LCMT1: variants seen among roughly 807,000 people sequenced by gnomAD.
LCMT1 encodes the protein leucine carboxyl methyltransferase 1.
Under a neutral mutation model 47.7 loss-of-function variants are expected in LCMT1, and 32 were observed. That is an observed-to-expected ratio of 0.67 (90% CI 0.51 to 0.90). LCMT1 has a LOEUF of 0.90. Among genes scored for constraint, LCMT1 ranks in the 40% least tolerant of loss-of-function variants. The pLI is 0.00. For missense variants in LCMT1, 375 were observed against 415.2 expected, an observed-to-expected ratio of 0.90 and a Z score of 0.84; for synonymous variants, 152 against 149.7, an observed-to-expected ratio of 1.02 and a Z score of -0.11.
intron 1 of LCMT1, among the ~76,000 whole-genome samples, chr16:25,126,424 C>A (rs1960192697): frequency 6.6e-6 from 1 of 152,304 alleles, no homozygotes; most frequent in South Asian, 2.1e-4. Context: ...GTCTGGAATG[C>A]CTTTTGGACA....
At chr16:25,159,623 G>T (rs956257812) in intron 5 of LCMT1, among the ~76,000 whole-genome samples, 4 of 152,052 alleles carry the variant, frequency 2.6e-5, no homozygotes, top group African/African-American at 9.7e-5. Flanking sequence ...GCCAACTTTG[G>T]GTTCCCTGCT....
chr16:25,130,808 G>A (rs1055714659), intron 2 of LCMT1, among the ~76,000 whole-genome samples: 4 of 152,166 alleles, frequency 2.6e-5, no homozygotes, highest in African/African-American at 9.7e-5. Context: ...AGAAACTCCA[G>A]AGCGTAAAGA....
intron 3 of LCMT1, among the ~76,000 whole-genome samples, chr16:25,133,858 A>T (rs1960425114): frequency 6.7e-6 from 1 of 150,346 alleles, no homozygotes; most frequent in African/African-American, 2.4e-5. Flanking sequence ...ACATGGTGAA[A>T]CCCTGTCTCT....
intron 1 of LCMT1, 81 bp downstream of exon 1, chr16:25,112,077 G>A: frequency 3.2e-6 from 3 of 923,694 alleles, no homozygotes; most frequent in Admixed American, 1.9e-5. Flanking sequence ...TGAAGAATAC[G>A]CTCAAGGCTG....
chr16:25,116,595 C>T (rs1239356752), intron 1 of LCMT1, among the ~76,000 whole-genome samples: 1 of 151,882 alleles, frequency 6.6e-6, no homozygotes, highest in Non-Finnish European at 1.5e-5. Flanking sequence ...CTTCTCTTTT[C>T]CACAGTGGAG....
At chr16:25,169,380 A>G in intron 8 of LCMT1, 167 bp downstream of exon 8, 1 of 555,446 alleles carries the variant, frequency 1.8e-6, no homozygotes, top group Non-Finnish European at 3.2e-6. Context: ...TGGGAAGACC[A>G]AGTCCTGCTT....
chr16:25,114,367 AC>A (rs1174782671), intron 1 of LCMT1, among the ~76,000 whole-genome samples: 1 of 151,668 alleles, frequency 6.6e-6, no homozygotes, highest in Admixed American at 6.6e-5. Flanking sequence ...AGTCATCACC[AC>A]CCCCCTCATT....
At chr16:25,139,694 T>A (rs1042994457) in intron 3 of LCMT1, among the ~76,000 whole-genome samples, 1 of 152,156 alleles carries the variant, frequency 6.6e-6, no homozygotes, top group Non-Finnish European at 1.5e-5. Flanking sequence ...TTAAATCGTT[T>A]AAACTTTTTA....
chr16:25,139,495 G>A (rs1326521108), intron 3 of LCMT1, among the ~76,000 whole-genome samples: 1 of 151,804 alleles, frequency 6.6e-6, no homozygotes, highest in Non-Finnish European at 1.5e-5. Flanking sequence ...GGGTGACAGA[G>A]TGAGACTCCG....
rs763429375 is a variant in LCMT1, at chr16:25,164,724, AG to A, written c.690+8del. ...TGTTCATAAACTACGAACAGGTAAA[AG>A]GAAGCACAGGAGAACTGGATTCCAT... is the stretch of plus-strand genomic sequence containing the variant. On this transcript the variant is annotated splice_region_variant and intron_variant, in intron 7 of 10. Transcript: ENST00000399069. 1.2e-6 allele frequency: 2 copies of A among 1,613,912 alleles called. No individual in the cohort carries two copies. Among genetic ancestry groups the A allele is most frequent in the South Asian group, 2.2e-5 (2 of 91,078 alleles).
intron 1 of LCMT1, among the ~76,000 whole-genome samples, chr16:25,124,557 C>T (rs560513262): frequency 6.6e-6 from 1 of 152,338 alleles, no homozygotes; most frequent in East Asian, 1.9e-4. Context: ...ATGCCTGGCA[C>T]ATAGTAAGCA....
At position 25,140,241 on chromosome 16, in the gene LCMT1, G is replaced by A. The variant is rs1393377483; in HGVS notation, c.398G>A (p.Ser133Asn). 4 of 1,596,426 alleles carry A rather than the reference G, an allele frequency of 2.5e-6. No homozygotes were observed. Among genetic ancestry groups the A allele is most frequent in the East Asian group, 2.2e-5 (1 of 44,450 alleles). The change falls in exon 4 of 11, where the codon AGT (serine) becomes AAT (asparagine). Residue 133 changes from serine (S) to asparagine (N), a missense_variant. Physicochemically the swap from Ser to Asn is conservative, Grantham distance 46 (BLOSUM62 1). Transcript: ENST00000399069. ...FPMIVTRKLHSIKCKPPLSSP... is the reference protein window; with the variant it reads ...FPMIVTRKLHNIKCKPPLSSP... ...ATGATTGTCACGAGAAAGCTGCACA[G>A]TATCAAGTAAGTGTGGCATGGCCAG...
At chr16:25,126,342 G>T (rs921331372) in intron 1 of LCMT1, among the ~76,000 whole-genome samples, 1 of 152,290 alleles carries the variant, frequency 6.6e-6, no homozygotes, top group African/African-American at 2.4e-5. Context: ...ACTGTCCTCC[G>T]GCCTCCCTGC....
chr16:25,119,121 T>C (rs1959889957), intron 1 of LCMT1, among the ~76,000 whole-genome samples: 1 of 152,112 alleles, frequency 6.6e-6, no homozygotes, highest in African/African-American at 2.4e-5. Context: ...GCTGAGAATG[T>C]ATCAGATTCT....
At chr16:25,157,725 A>C (rs954961401) in intron 5 of LCMT1, among the ~76,000 whole-genome samples, 1 of 152,250 alleles carries the variant, frequency 6.6e-6, no homozygotes, top group East Asian at 1.9e-4. Context: ...GGGTTCATTC[A>C]GGTGGAACTT....
At chr16:25,170,578 T>C (rs1235468275) in intron 8 of LCMT1, 136 bp from the exon 9 acceptor site, 4 of 654,956 alleles carry the variant, frequency 6.1e-6, no homozygotes, top group African/African-American at 1.8e-5. Context: ...TGCAGTGAGC[T>C]GTGATCACAC....
chr16:25,128,082 C>T (rs1161308115), intron 1 of LCMT1, among the ~76,000 whole-genome samples: 1 of 152,212 alleles, frequency 6.6e-6, no homozygotes, highest in Non-Finnish European at 1.5e-5. Flanking sequence ...GTCTCCCTTC[C>T]TCTGGGCACA....
intron 10 of LCMT1, among the ~76,000 whole-genome samples, chr16:25,177,453 A>G (rs944863193): frequency 1.3e-4 from 20 of 152,216 alleles, no homozygotes; most frequent in Non-Finnish European, 7.3e-5. Flanking sequence ...TTATAACATT[A>G]GCATTTCCCC....
chr16:25,173,936 G>A (rs1961851858), intron 9 of LCMT1, among the ~76,000 whole-genome samples: 1 of 152,042 alleles, frequency 6.6e-6, no homozygotes, highest in Non-Finnish European at 1.5e-5. Context: ...TTTTGAGACC[G>A]AGTCTCGCTC....
Sources: allele counts gnomAD v4.1 joint callset (sites outside exome capture counted in the v4.1 genomes callset), GRCh38; gene constraint gnomAD v4.1.1; transcripts MANE v1.5; gene names NCBI Gene and HGNC (gene_info 2026-07-23, HGNC 2026-07-21).